STRN: variants seen among roughly 807,000 people sequenced by gnomAD.
STRN encodes the protein protein phosphatase 2 regulatory subunit B'''alpha.
Under a neutral mutation model 96.3 loss-of-function variants are expected in STRN, and 53 were observed. That is an observed-to-expected ratio of 0.55 (90% CI 0.44 to 0.69). STRN has a LOEUF of 0.69. STRN is among the 30% of genes least tolerant of loss of function. The pLI is 0.00. For synonymous variants in STRN, 428 were observed against 355.9 expected, an observed-to-expected ratio of 1.20 and a Z score of -2.28; for missense variants, 987 against 963.9, an observed-to-expected ratio of 1.02 and a Z score of -0.32.
rs554989653 is a variant in STRN, at chr2:36,849,633, CA to C, written c.2174-9del. Reference sequence around the variant, plus strand: ...GTATTGAACAGTCATGACCTATATCCAAAAAAAAAATTAAAAGGAAAAATTA... The same window carrying C: ...GTATTGAACAGTCATGACCTATATCCAAAAAAAAATTAAAAGGAAAAATTA... On this transcript the variant is annotated splice_polypyrimidine_tract_variant and intron_variant, in intron 17 of 17. Transcript: ENST00000263918. 5.1e-4 allele frequency: 753 copies of C among 1,473,820 alleles called. 1 individual carries two copies. In the East Asian group the frequency reaches 7.3e-3, roughly 14 times the overall value. The allele number at this position is 1,473,820 out of a possible 1,614,324, so 91.3% of individuals were successfully genotyped here. A position where few individuals can be genotyped will look rare whatever the true frequency, so the allele number is the denominator to read the frequency against.
intron 1 of STRN, among the ~76,000 whole-genome samples, chr2:36,949,731 A>G (rs1664704431): frequency 6.6e-6 from 1 of 152,216 alleles, no homozygotes; most frequent in South Asian, 2.1e-4. Context: ...AAAAGGGTCA[A>G]CTGGGTTTGG....
At chr2:36,884,613 C>T (rs1015154820) in intron 8 of STRN, among the ~76,000 whole-genome samples, 1 of 152,100 alleles carries the variant, frequency 6.6e-6, no homozygotes, top group Non-Finnish European at 1.5e-5. Context: ...TTTCCTGTTA[C>T]AAGTTTAATT....
intron 7 of STRN, among the ~76,000 whole-genome samples, chr2:36,890,104 A>T (rs1669348202): frequency 6.6e-6 from 1 of 152,226 alleles, no homozygotes; most frequent in African/African-American, 2.4e-5. Flanking sequence ...CCTCAGAGAA[A>T]GACCTCAGTG....
At chr2:36,890,862 A>C (rs920474809) in intron 7 of STRN, among the ~76,000 whole-genome samples, 3 of 152,192 alleles carry the variant, frequency 2.0e-5, no homozygotes, top group African/African-American at 7.2e-5. Context: ...CTGAACACTA[A>C]GGGCAAGAAG....
At chr2:36,850,870 G>A (rs748541018) in intron 16 of STRN, 130 bp downstream of exon 16, 14 of 574,534 alleles carry the variant, frequency 2.4e-5, no homozygotes, top group Admixed American at 1.6e-4. Context: ...AAACTGAGAC[G>A]GGAGAGTATT....
chr2:36,960,476 G>A (rs907068992), intron 1 of STRN, among the ~76,000 whole-genome samples: 41 of 152,092 alleles, frequency 2.7e-4, no homozygotes, highest in African/African-American at 9.2e-4. Context: ...TTTTCTCTGG[G>A]GATGAGGAGA....
In STRN at chr2:36,954,023, T is replaced by C. The variant is rs967422268; in HGVS notation, c.234+12207A>G. Among the ~76,000 whole-genome samples the C allele has an allele frequency of 5.4e-4, 81 of 151,166 alleles. 3 individuals are homozygous for C. The highest frequency in any genetic ancestry group is 8.9e-5 in the Non-Finnish European group (6 of 67,728). On this transcript the variant is annotated intron_variant, in intron 1 of 17. Coordinates refer to ENST00000263918, the MANE Select transcript of STRN (RefSeq NM_003162.4). ...AGACACAGTCTCTTTAAAATAAAAA[T>C]TAAAAATAAACTAAAAATCAAATTT...
At chr2:36,924,260 G>T (rs922127501) in intron 2 of STRN, among the ~76,000 whole-genome samples, 2 of 150,862 alleles carry the variant, frequency 1.3e-5, no homozygotes, top group African/African-American at 4.9e-5. Context: ...GGAGGCTGAG[G>T]CAGGAGAATG....
intron 1 of STRN, among the ~76,000 whole-genome samples, chr2:36,955,284 T>C (rs1460652658): frequency 1.3e-5 from 2 of 152,178 alleles, no homozygotes; most frequent in Admixed American, 6.5e-5. Flanking sequence ...TTCCTTTCTC[T>C]AGCCCTAATT....
chr2:36,965,922 G>C (rs1166232897), intron 1 of STRN, among the ~76,000 whole-genome samples: 3 of 152,166 alleles, frequency 2.0e-5, no homozygotes, highest in Non-Finnish European at 4.4e-5. Flanking sequence ...TAAACCGAGA[G>C]GGCAGCCCTG....
chr2:36,877,159 G>A (rs982343613), intron 10 of STRN, among the ~76,000 whole-genome samples: 1 of 152,180 alleles, frequency 6.6e-6, no homozygotes, highest in African/African-American at 2.4e-5. Flanking sequence ...TTAACATCTG[G>A]AAAGCACACT....
intron 1 of STRN, among the ~76,000 whole-genome samples, chr2:36,956,679 G>C (rs770676134): frequency 3.9e-5 from 6 of 152,140 alleles, no homozygotes; most frequent in Non-Finnish European, 8.8e-5. Context: ...TTTAAACTCT[G>C]CTTCAGTTAT....
rs76360908 is a variant in STRN at position 36,852,161 on chromosome 2, A to C, written c.1979-1054T>G. 1.8e-3 allele frequency among the ~76,000 whole-genome samples: 277 copies of C among 152,318 alleles called. 2 individuals are homozygous for C. The highest frequency in any genetic ancestry group is 6.8e-3 in the Middle Eastern group (2 of 294). The stretch of plus-strand genomic sequence containing the variant: ...ACACAACTGTCAAAATTGGTTCCTA[A>C]ATGATCACACATTCTTCCTGAAAGG... On this transcript the variant is annotated intron_variant, in intron 15 of 17. Coordinates refer to ENST00000263918, the MANE Select transcript of STRN (RefSeq NM_003162.4).
Position 36,857,848 on chromosome 2 carries a change from G to C in STRN, c.1837+8C>G, listed in dbSNP as rs781335158. On this transcript the variant is annotated splice_region_variant and intron_variant, in intron 14 of 17. Coordinates refer to ENST00000263918, the MANE Select transcript of STRN (RefSeq NM_003162.4). ...GGATTCAGCAAAATAATTTTTTAAA[G>C]TATGTACCTTTAGTATCATTAAATA... The C allele has an allele frequency of 6.2e-7, 1 of 1,606,748 alleles. No individual in the cohort carries two copies. Among genetic ancestry groups the C allele is most frequent in the Admixed American group, 1.7e-5 (1 of 59,392 alleles).
chr2:36,908,846 T>C (rs1669891218), intron 3 of STRN, among the ~76,000 whole-genome samples: 1 of 152,018 alleles, frequency 6.6e-6, no homozygotes, highest in African/African-American at 2.4e-5. Context: ...CTGGGTGCGG[T>C]GGCTCGTGCC....
At chr2:36,914,638 A>C (rs1454475450) in intron 3 of STRN, among the ~76,000 whole-genome samples, 1 of 152,220 alleles carries the variant, frequency 6.6e-6, no homozygotes, top group Non-Finnish European at 1.5e-5. Flanking sequence ...TGAATTAACT[A>C]TAAAATTGGC....
intron 9 of STRN, among the ~76,000 whole-genome samples, chr2:36,882,242 T>C (rs985408058): frequency 6.6e-6 from 1 of 152,150 alleles, no homozygotes; most frequent in Non-Finnish European, 1.5e-5. Context: ...TCAGGCTGTG[T>C]TGATCAATAA....
chr2:36,902,764 A>C lies in STRN; in HGVS notation c.492-13T>G, dbSNP rs1470935004. On this transcript the variant is annotated splice_polypyrimidine_tract_variant and intron_variant, in intron 4 of 17. Coordinates refer to ENST00000263918, the MANE Select transcript of STRN (RefSeq NM_003162.4). The stretch of plus-strand genomic sequence containing the variant: ...CTCCTGTAGATACCTGTGTGAAGAG[A>C]ATCCTTAGAGTTCAGTCATACTGGA... 6.3e-7 allele frequency: 1 copy of C among 1,584,768 alleles called. No homozygotes were observed. The highest frequency in any genetic ancestry group is 8.6e-7 in the Non-Finnish European group (1 of 1,164,104).
chr2:36,953,891 G>C (rs1664818306), intron 1 of STRN, among the ~76,000 whole-genome samples: 3 of 152,158 alleles, frequency 2.0e-5, no homozygotes, highest in African/African-American at 7.2e-5. Context: ...AGCTACTCTG[G>C]AGGCTGATGC....
Sources: gnomAD v4.1 joint callset for allele counts (sites outside exome capture counted in the v4.1 genomes callset) on GRCh38, gnomAD v4.1.1 for gene constraint, MANE v1.5 for transcripts, NCBI Gene and HGNC (gene_info 2026-07-23, HGNC 2026-07-21) for gene names.